Variants in CADPS2 observed in about 807,000 individuals in gnomAD.
CADPS2 encodes the protein calcium dependent secretion activator 2, also known as calcium-dependent secretion activator 2.
CADPS2 carries 93 observed loss-of-function variants against 172.5 expected under a neutral mutation model. The observed-to-expected ratio is 0.54, with a 90% CI of 0.46 to 0.64. CADPS2 has a LOEUF of 0.64. Among genes scored for constraint, CADPS2 ranks in the 30% least tolerant of loss-of-function variants. The pLI is 0.00. For synonymous variants in CADPS2, 546 were observed against 555.2 expected (o/e 0.98, Z 0.23); for missense variants, 1,420 against 1,565.9 (o/e 0.91, Z 1.57).
At position 122,735,347 on chromosome 7, in the gene CADPS2, T is replaced by G. The variant is rs893771747; in HGVS notation, c.453+1608A>C. Among the ~76,000 whole-genome samples the G allele has an allele frequency of 2.6e-5, 4 of 152,144 alleles. No homozygotes were observed. The South Asian group carries it at 8.3e-4, about 31-fold the overall frequency. On this transcript the variant is annotated intron_variant, in intron 2 of 29. Coordinates refer to ENST00000449022, the MANE Select transcript of CADPS2 (RefSeq NM_017954.11). ...ACACCCCCAGCTCCTTCAACTTACATATGGCATGTTTCAAACCTGATCACT... is the reference window on the plus strand; with the variant it reads ...ACACCCCCAGCTCCTTCAACTTACAGATGGCATGTTTCAAACCTGATCACT...
At chr7:122,876,659 C>T (rs1474910353) in intron 1 of CADPS2, among the ~76,000 whole-genome samples, 1 of 152,018 alleles carries the variant, frequency 6.6e-6, no homozygotes, top group Non-Finnish European at 1.5e-5. Context: ...CACTGCACTC[C>T]ACCATTTTAT....
At chr7:122,587,738 G>A (rs111602852) in intron 6 of CADPS2, among the ~76,000 whole-genome samples, 164 of 152,070 alleles carry the variant, frequency 1.1e-3, no homozygotes, top group African/African-American at 3.7e-3. Flanking sequence ...ATTCCTTTGG[G>A]TATATAACCA....
intron 1 of CADPS2, among the ~76,000 whole-genome samples, chr7:122,845,373 T>A (rs1328598819): frequency 6.6e-6 from 1 of 152,066 alleles, no homozygotes; most frequent in Non-Finnish European, 1.5e-5. Flanking sequence ...TGATGTCAGA[T>A]AAAAAACAAC....
intron 2 of CADPS2, among the ~76,000 whole-genome samples, chr7:122,667,835 A>G (rs2081341044): frequency 6.6e-6 from 1 of 152,192 alleles, no homozygotes; most frequent in African/African-American, 2.4e-5. Context: ...GAACAACAGC[A>G]ATAAAGCACA....
chr7:122,543,132 T>G (rs1432827270), intron 8 of CADPS2, among the ~76,000 whole-genome samples: 1 of 152,030 alleles, frequency 6.6e-6, no homozygotes, highest in Non-Finnish European at 1.5e-5. Flanking sequence ...AAGCTACCAG[T>G]TAAAATAGAT....
chr7:122,432,913 T>C (rs1452662374), intron 17 of CADPS2, among the ~76,000 whole-genome samples: 1 of 151,978 alleles, frequency 6.6e-6, no homozygotes, highest in African/African-American at 2.4e-5. Flanking sequence ...CAAGAACATT[T>C]ACAAGGTAAC....
At chr7:122,880,898 T>C (rs1367326249) in intron 1 of CADPS2, among the ~76,000 whole-genome samples, 2 of 152,202 alleles carry the variant, frequency 1.3e-5, no homozygotes, top group Non-Finnish European at 2.9e-5. Flanking sequence ...CACTGATATG[T>C]CCACTATTTA....
chr7:122,360,658 G>T, intron 27 of CADPS2, 130 bp downstream of exon 27: 1 of 777,572 alleles, frequency 1.3e-6, no homozygotes, highest in Non-Finnish European at 2.1e-6. Flanking sequence ...GTTAGTGCTT[G>T]CTTAAGGAAA....
At chr7:122,764,069 T>C (rs773937999) in intron 1 of CADPS2, among the ~76,000 whole-genome samples, 14 of 152,082 alleles carry the variant, frequency 9.2e-5, no homozygotes, top group Non-Finnish European at 2.1e-4. Flanking sequence ...GGCACCTCCA[T>C]TTGGAGCTCC....
chr7:122,548,194 C>T (rs1414123712), intron 8 of CADPS2, among the ~76,000 whole-genome samples: 2 of 151,560 alleles, frequency 1.3e-5, no homozygotes, highest in African/African-American at 4.9e-5. Flanking sequence ...ATAGGGAGAC[C>T]CCATCTCTAT....
At chr7:122,700,518 A>G (rs1362466218) in intron 2 of CADPS2, among the ~76,000 whole-genome samples, 7 of 152,206 alleles carry the variant, frequency 4.6e-5, no homozygotes, top group Non-Finnish European at 8.8e-5. Flanking sequence ...ACACTGAGGT[A>G]TCAAAAGTTT....
intron 8 of CADPS2, among the ~76,000 whole-genome samples, chr7:122,527,640 G>GTGTGTGTA: frequency 6.6e-6 from 1 of 151,138 alleles, no homozygotes; most frequent in South Asian, 2.1e-4. Context: ...GTGTGTGTGT[G>GTGTGTGTA]TGTGTGTGTG....
At chr7:122,639,313 C>T (rs1033733754) in intron 3 of CADPS2, among the ~76,000 whole-genome samples, 1 of 151,986 alleles carries the variant, frequency 6.6e-6, no homozygotes, top group African/African-American at 2.4e-5. Context: ...TTATATAATT[C>T]TTATGAGCAT....
rs1239531904 is a variant in CADPS2, at chr7:122,629,262, C to T, written c.853G>A (p.Asp285Asn). 1 of 1,608,792 alleles carries T rather than the reference C, an allele frequency of 6.2e-7. No individual in the cohort carries two copies. The highest frequency in any genetic ancestry group is 8.5e-7 in the Non-Finnish European group (1 of 1,177,384). The change falls in exon 4 of 30, where the codon GAT (aspartate) becomes AAT (asparagine). Residue 285 changes from aspartate to asparagine, a missense_variant. Transcript: ENST00000449022. Reference protein sequence around the residue: ...RELDGRLQLADKMAKERKFPK... With the variant: ...RELDGRLQLANKMAKERKFPK... ...TAATAATTTACCTTTGCCATTTTAT[C>T]TGCCAATTGCAGCCGGCCATCAAGT...
chr7:122,418,418 T>C (rs1333962535), intron 17 of CADPS2, among the ~76,000 whole-genome samples: 1 of 152,150 alleles, frequency 6.6e-6, no homozygotes, highest in Non-Finnish European at 1.5e-5. Flanking sequence ...TGATGGGTGA[T>C]TATGGGAGAC....
chr7:122,771,407 G>A (rs2093700451), intron 1 of CADPS2, among the ~76,000 whole-genome samples: 2 of 152,242 alleles, frequency 1.3e-5, no homozygotes, highest in South Asian at 4.1e-4. Flanking sequence ...CTATAATTTG[G>A]CTATGGGTAG....
intron 7 of CADPS2, among the ~76,000 whole-genome samples, chr7:122,580,281 C>T (rs1267172797): frequency 6.6e-6 from 1 of 151,780 alleles, no homozygotes; most frequent in African/African-American, 2.4e-5. Flanking sequence ...ATGGTGAAAC[C>T]CCATCTCTAC....
rs869077766 is a variant in CADPS2, at chr7:122,574,445, TAAA to T, written c.1335+6731_1335+6733del. 5.6e-3 allele frequency among the ~76,000 whole-genome samples: 212 copies of T among 37,978 alleles called. 6 individuals are homozygous for T. The highest frequency in any genetic ancestry group is 7.1e-3 in the African/African-American group (65 of 9,114). 24.9% of individuals were successfully genotyped at this position (37,978 alleles called of 152,430 possible). On this transcript the variant is annotated intron_variant, in intron 7 of 29. Transcript: ENST00000449022. ...TGGGTGATAGAGTGAGACCCTGTCT[TAAA>T]AAAAAAAAAAAAAAAAAAAAGTATA...
chr7:122,735,770 CT>C (rs2092108479), intron 2 of CADPS2, among the ~76,000 whole-genome samples: 1 of 152,166 alleles, frequency 6.6e-6, no homozygotes, highest in South Asian at 2.1e-4. Flanking sequence ...ATACAGATTA[CT>C]CCCCTGAGCT....
Sources: allele counts gnomAD v4.1 joint callset (sites outside exome capture counted in the v4.1 genomes callset), GRCh38; gene constraint gnomAD v4.1.1; transcripts MANE v1.5; gene names NCBI Gene and HGNC (gene_info 2026-07-23, HGNC 2026-07-21).